Variants in PDE1C observed in about 807,000 individuals in gnomAD.
PDE1C encodes the protein phosphodiesterase 1C, also known as dual specificity calcium/calmodulin-dependent 3',5'-cyclic nucleotide phosphodiesterase 1C.
PDE1C carries 62 observed loss-of-function variants against 93.1 expected under a neutral mutation model. The ratio of observed to expected loss-of-function variants is 0.67; its 90% CI spans 0.54 to 0.82. The LOEUF is 0.82. Among genes scored for constraint, PDE1C ranks in the 40% least tolerant of loss-of-function variants. The probability of loss-of-function intolerance (pLI) is 0.00; values close to 1 mark genes in which losing one functional copy is unlikely to be tolerated. For missense variants in PDE1C, 742 were observed against 884.6 expected (o/e 0.84, Z 2.04); for synonymous variants, 325 against 310.1 (o/e 1.05, Z -0.50).
chr7:31,875,831 A>ATATG (rs1554387840), intron 5 of PDE1C, among the ~76,000 whole-genome samples: 5,555 of 89,952 alleles, frequency 0.062, 631 homozygotes, highest in East Asian at 0.12. Flanking sequence ...ATATATATAT[A>ATATG]TATAATGGAA....
At chr7:31,703,310 C>G in the PDE1C span, among the ~76,000 whole-genome samples, 167 of 152,336 alleles carry the variant, frequency 1.1e-3, no homozygotes, top group Non-Finnish European at 1.4e-3. Context: ...ATTCAAGGAA[C>G]AGCCTAACGG....
chr7:31,890,696 T>C (rs1470352581), intron 2 of PDE1C, among the ~76,000 whole-genome samples: 1 of 152,242 alleles, frequency 6.6e-6, no homozygotes, highest in African/African-American at 2.4e-5. Flanking sequence ...CTACTTCTTT[T>C]TTCTTTTATA....
the PDE1C span, chr7:31,658,560 G>A: frequency 9.6e-6 from 4 of 417,670 alleles, no homozygotes; most frequent in East Asian, 1.5e-4. Context: ...ATTTCAAATT[G>A]TAATTTAAAA....
chr7:31,964,733 C>T (rs565144653), intron 2 of PDE1C, among the ~76,000 whole-genome samples: 4 of 152,312 alleles, frequency 2.6e-5, no homozygotes, highest in East Asian at 1.9e-4. Context: ...ACACCTCAAA[C>T]GGCCAGGTAC....
chr7:32,037,187 G>A (rs1461226404), intron 2 of PDE1C, among the ~76,000 whole-genome samples: 1 of 152,130 alleles, frequency 6.6e-6, no homozygotes, highest in African/African-American at 2.4e-5. Context: ...ATTTTAAAGT[G>A]ATTCCTGGTT....
chr7:32,207,340 T>C (rs894070147), intron 2 of PDE1C, among the ~76,000 whole-genome samples: 4 of 149,880 alleles, frequency 2.7e-5, no homozygotes, highest in African/African-American at 7.6e-5. Context: ...GTTGCAGTAC[T>C]TCATCTTCCA....
At chr7:32,335,331 T>C (rs796555024) in intron 1 of PDE1C, among the ~76,000 whole-genome samples, 14 of 152,242 alleles carry the variant, frequency 9.2e-5, no homozygotes, top group African/African-American at 3.1e-4. Flanking sequence ...GTCTCTCCCA[T>C]CTCTAAGGCC....
At chr7:31,767,426 C>T (rs1795214554) in intron 17 of PDE1C, among the ~76,000 whole-genome samples, 1 of 152,118 alleles carries the variant, frequency 6.6e-6, no homozygotes, top group South Asian at 2.1e-4. Context: ...GTGTGCGGCA[C>T]CTCCTCCTGT....
upstream of PDE1C, among the ~76,000 whole-genome samples, chr7:32,303,548 T>C (rs571124192): frequency 6.6e-6 from 1 of 152,340 alleles, no homozygotes; most frequent in African/African-American, 2.4e-5. Context: ...TGTTTCATTT[T>C]ACTTCTACCT....
At chr7:32,093,074 G>C (rs937140824) in intron 3 of PDE1C, among the ~76,000 whole-genome samples, 10 of 152,180 alleles carry the variant, frequency 6.6e-5, no homozygotes, top group African/African-American at 2.4e-4. Flanking sequence ...TGGCAAACCA[G>C]AACAAGACGA....
intron 17 of PDE1C, among the ~76,000 whole-genome samples, chr7:31,755,304 T>C (rs1447959059): frequency 1.3e-5 from 2 of 152,214 alleles, no homozygotes; most frequent in Non-Finnish European, 2.9e-5. Flanking sequence ...TACTTATAGA[T>C]ATGTGTATGT....
intron 1 of PDE1C, among the ~76,000 whole-genome samples, chr7:32,427,573 A>G (rs1226546027): frequency 6.6e-6 from 1 of 152,154 alleles, no homozygotes. Flanking sequence ...CGGCCCCGGT[A>G]CTAAGCTGGG....
intron 2 of PDE1C, among the ~76,000 whole-genome samples, chr7:32,204,170 G>A (rs1322543649): frequency 4.6e-5 from 7 of 152,236 alleles, no homozygotes; most frequent in Admixed American, 6.5e-5. Flanking sequence ...TGGATCCACT[G>A]GACAAAGGGA....
intron 1 of PDE1C, among the ~76,000 whole-genome samples, chr7:32,328,962 A>G (rs215633): frequency 0.99 from 151,450 of 152,334 alleles, 75,292 homozygotes; most frequent in Middle Eastern, 1. Context: ...GCCAGGCGTG[A>G]CAGCTCACAC....
chr7:32,369,251 C>A (rs1347126552), intron 1 of PDE1C, among the ~76,000 whole-genome samples: 2 of 152,160 alleles, frequency 1.3e-5, no homozygotes, highest in African/African-American at 4.8e-5. Flanking sequence ...ATCCATCCAA[C>A]AGGGGATTAA....
rs117348039 is a variant in PDE1C, at chr7:32,425,909, C to G, written c.310+1913G>C. On this transcript the variant is annotated intron_variant, in intron 1 of 1. Coordinates refer to the PDE1C transcript ENST00000672256. ...TAAGCTGTGCTCGCACCACTGCAGA[C>G]AGTGCTCTGGATGACAGAGCAAGAC... 1.1e-3 allele frequency among the ~76,000 whole-genome samples: 166 copies of G among 151,686 alleles called. 5 individuals are homozygous for G. The East Asian group carries it at 0.028, about 25-fold the overall frequency.
intron 2 of PDE1C, among the ~76,000 whole-genome samples, chr7:31,923,340 A>G (rs1338850551): frequency 6.6e-6 from 1 of 152,152 alleles, no homozygotes; most frequent in Non-Finnish European, 1.5e-5. Context: ...GGTCCCAGCC[A>G]GACTAGATCA....
chr7:32,361,816 C>G (rs1380983478), intron 1 of PDE1C, among the ~76,000 whole-genome samples: 1 of 152,160 alleles, frequency 6.6e-6, no homozygotes, highest in Non-Finnish European at 1.5e-5. Flanking sequence ...ACAGCCTTCT[C>G]TCAGCCTGGC....
the PDE1C span, among the ~76,000 whole-genome samples, chr7:31,647,088 G>A: frequency 0.016 from 2,449 of 152,316 alleles, 57 homozygotes; most frequent in African/African-American, 0.054. Flanking sequence ...GCACACAGGC[G>A]CATGTGCTGG....
Sources: gnomAD v4.1 joint callset for allele counts (sites outside exome capture counted in the v4.1 genomes callset) on GRCh38, gnomAD v4.1.1 for gene constraint, MANE v1.5 for transcripts, NCBI Gene and HGNC (gene_info 2026-07-23, HGNC 2026-07-21) for gene names.